Variants in PTPN14 observed in about 807,000 individuals in gnomAD.
The protein encoded by PTPN14 is tyrosine-protein phosphatase non-receptor type 14.
In PTPN14, 53 loss-of-function variants were observed where a neutral mutation model predicts 126.8. That is an observed-to-expected ratio of 0.42 (90% CI 0.34 to 0.53). PTPN14 has a LOEUF of 0.53. Among genes scored for constraint, PTPN14 ranks in the 20% least tolerant of loss-of-function variants. The pLI, the probability that PTPN14 is intolerant of heterozygous loss-of-function variation, is 0.08. For synonymous variants in PTPN14, 630 were observed against 599.3 expected (o/e 1.05, Z -0.75); for missense variants, 1,257 against 1,552.9 (o/e 0.81, Z 3.20).
intron 1 of PTPN14, among the ~76,000 whole-genome samples, chr1:214,491,103 T>C (rs1661238091): frequency 6.6e-6 from 1 of 152,000 alleles, no homozygotes; most frequent in Admixed American, 6.6e-5. Flanking sequence ...AATTGCTTAA[T>C]ATGGCATAAC....
rs563081501 is a variant in PTPN14 at position 214,532,491 on chromosome 1, G to C, written c.-155+18692C>G. 2.1e-4 allele frequency: 189 copies of C among 886,534 alleles called. 1 individual carries two copies. The South Asian group carries it at 2.1e-3, about 10-fold the overall frequency. 54.9% of individuals were successfully genotyped at this position (886,534 alleles called of 1,614,324 possible). On this transcript the variant is annotated intron_variant, in intron 1 of 18. Coordinates refer to ENST00000366956, the MANE Select transcript of PTPN14 (RefSeq NM_005401.5). ...GGACAGACTGAGGAGCCTGGAGATC[G>C]AGAACTGGAGGCTGGAGAGCAAAAT...
Position 214,364,652 on chromosome 1 carries a change from C to T in PTPN14, c.3295G>A (p.Val1099Ile), listed in dbSNP as rs1048433844. The T allele has an allele frequency of 6.2e-7, 1 of 1,613,648 alleles. No individual in the cohort carries two copies. Among genetic ancestry groups the T allele is most frequent in the Non-Finnish European group, 8.5e-7 (1 of 1,179,916 alleles). Residue 1099 changes from valine (V) to isoleucine (I), a missense_variant, in exon 18 of 19, where the codon GTC becomes ATC. Transcript: ENST00000366956. This position sits in a 1 kb window ranked among gnomAD's most constrained non-coding sequence, Gnocchi z 4.1. Reference protein sequence around the residue: ...FLSYLEEIQSVRRHTNSMLEG... With the variant: ...FLSYLEEIQSIRRHTNSMLEG... ...AGCATGCTGTTGGTATGGCGACGGA[C>T]CGACTGGATCTCCTCCAAGTAGGCT...
intron 3 of PTPN14, among the ~76,000 whole-genome samples, chr1:214,419,996 A>G (rs764103856): frequency 1.3e-5 from 2 of 152,196 alleles, no homozygotes; most frequent in Non-Finnish European, 2.9e-5. Context: ...TATGACTATT[A>G]AAGTCTAATA....
At chr1:214,544,430 A>G (rs1655916966) in intron 1 of PTPN14, among the ~76,000 whole-genome samples, 1 of 151,858 alleles carries the variant, frequency 6.6e-6, no homozygotes, top group African/African-American at 2.4e-5. Flanking sequence ...ACCCTGTCAA[A>G]GAAAGAAGGA....
intron 6 of PTPN14, 54 bp from the exon 7 acceptor site, chr1:214,401,826 A>T: frequency 1.4e-6 from 2 of 1,407,074 alleles, no homozygotes; most frequent in South Asian, 2.4e-5. Flanking sequence ...CCAGTGGAAG[A>T]TCCCACTCTC....
In PTPN14 at chr1:214,534,733, A is replaced by AATACATAAATAAATAC. The variant is rs1553276446; in HGVS notation, c.-155+16449_-155+16450insGTATTTATTTATGTAT. On this transcript the variant is annotated intron_variant, in intron 1 of 18. Coordinates refer to ENST00000366956, the MANE Select transcript of PTPN14 (RefSeq NM_005401.5). Reference sequence around the variant, plus strand: ...TTCTCAATAAATAAATAAATAAATAAATAAATAAAAGACGGAATTATTGAT... The same window carrying AATACATAAATAAATAC: ...TTCTCAATAAATAAATAAATAAATAAATACATAAATAAATACATAAATAAAAGACGGAATTATTGAT... 6.7e-3 allele frequency among the ~76,000 whole-genome samples: 1,020 copies of AATACATAAATAAATAC among 151,860 alleles called. 7 individuals are homozygous for AATACATAAATAAATAC. Among genetic ancestry groups the AATACATAAATAAATAC allele is most frequent in the Non-Finnish European group, 0.01 (698 of 67,956 alleles).
chr1:214,451,121 G>A (rs928251317), intron 3 of PTPN14, among the ~76,000 whole-genome samples: 1 of 151,866 alleles, frequency 6.6e-6, no homozygotes, highest in African/African-American at 2.4e-5. Flanking sequence ...TAGGAAAAGG[G>A]TGGACAAAAC....
intron 6 of PTPN14, among the ~76,000 whole-genome samples, chr1:214,402,167 G>A (rs917142225): frequency 1.3e-5 from 2 of 151,692 alleles, no homozygotes; most frequent in African/African-American, 4.8e-5. Context: ...TCAAATGGCC[G>A]TGGCTCATGC....
At chr1:214,468,362 C>T (rs1350349664) in intron 1 of PTPN14, among the ~76,000 whole-genome samples, 7 of 152,118 alleles carry the variant, frequency 4.6e-5, no homozygotes, top group Admixed American at 3.9e-4. Flanking sequence ...TTGAGACCAG[C>T]CTGGCCAACA....
chr1:214,458,009 A>G (rs1472173338), intron 2 of PTPN14, among the ~76,000 whole-genome samples: 1 of 73,458 alleles, frequency 1.4e-5, no homozygotes, highest in African/African-American at 3.4e-5. Flanking sequence ...ATCTATATCT[A>G]TATCTATATC....
At chr1:214,431,671 T>C (rs1345690229) in intron 3 of PTPN14, among the ~76,000 whole-genome samples, 2 of 152,220 alleles carry the variant, frequency 1.3e-5, no homozygotes, top group Non-Finnish European at 2.9e-5. Context: ...GGAGCTACAC[T>C]GTGTAGGCTT....
intron 16 of PTPN14, among the ~76,000 whole-genome samples, chr1:214,370,389 T>C (rs1240682088): frequency 7.2e-5 from 11 of 151,810 alleles, no homozygotes; most frequent in Non-Finnish European, 1.5e-4. Flanking sequence ...TCACAGTCCA[T>C]GGTGGAAAGT....
chr1:214,372,594 CAGAGAAACAGCA>C, intron 16 of PTPN14, 105 bp downstream of exon 16: 1 of 1,429,592 alleles, frequency 7.0e-7, no homozygotes, highest in Non-Finnish European at 9.7e-7. Context: ...AAAGCATGTG[CAGAGAAACAGCA>C]CTGCAGGAAG....
rs1658636124 is a variant in PTPN14 at position 214,387,044 on chromosome 1, T to G, written c.988-122A>C. On this transcript the variant is annotated intron_variant, in intron 11 of 18. Transcript: ENST00000366956. ...TAAGGGAGGCTCGTGGCAGCTGCTGTCCCTGCCACCCCTTTGACTCAACCT... is the reference window on the plus strand; with the variant it reads ...TAAGGGAGGCTCGTGGCAGCTGCTGGCCCTGCCACCCCTTTGACTCAACCT... 4.9e-6 allele frequency: 4 copies of G among 809,824 alleles called. No individual in the cohort carries two copies. In the South Asian group the frequency reaches 6.7e-5, roughly 13 times the overall value. The allele number at this position is 809,824 out of a possible 1,614,324, so 50.2% of individuals were successfully genotyped here.
rs368876497 is a variant in PTPN14 at position 214,484,995 on chromosome 1, AC to A, written c.-154-20039del. Among the ~76,000 whole-genome samples, 58 of 152,362 alleles carry A rather than the reference AC, an allele frequency of 3.8e-4. 1 individual carries two copies. The East Asian group carries it at 9.8e-3, about 26-fold the overall frequency. On this transcript the variant is annotated intron_variant, in intron 1 of 18. Coordinates refer to ENST00000366956, the MANE Select transcript of PTPN14 (RefSeq NM_005401.5). ...AGGTTAGGCATTTTCTCAAGGAAAAACAAAAATGTGTTCAACAAAGAAAATG... is the reference window on the plus strand; with the variant it reads ...AGGTTAGGCATTTTCTCAAGGAAAAAAAAAATGTGTTCAACAAAGAAAATG...
chr1:214,438,051 T>G (rs1298873880), intron 3 of PTPN14, among the ~76,000 whole-genome samples: 1 of 152,182 alleles, frequency 6.6e-6, no homozygotes, highest in Non-Finnish European at 1.5e-5. Context: ...CCCAATGTCT[T>G]ATTTTTATTT....
chr1:214,487,455 G>A (rs1038576841), intron 1 of PTPN14, among the ~76,000 whole-genome samples: 7 of 152,100 alleles, frequency 4.6e-5, no homozygotes, highest in South Asian at 2.1e-4. Flanking sequence ...GTGAAACCCC[G>A]TCTCTGCTAA....
intron 3 of PTPN14, among the ~76,000 whole-genome samples, chr1:214,419,373 G>A (rs576955752): frequency 6.6e-6 from 1 of 152,224 alleles, no homozygotes; most frequent in East Asian, 1.9e-4. Context: ...GTAGGGATGT[G>A]ACAATTTGGA....
Position 214,386,935 on chromosome 1 carries a change from A to G in PTPN14, c.988-13T>C, listed in dbSNP as rs1248693884. 4 of 1,582,094 alleles carry G rather than the reference A, an allele frequency of 2.5e-6. 1 individual carries two copies. In the Admixed American group the frequency reaches 6.7e-5, roughly 27 times the overall value. ...GCTGCTGCCTGGGCTGAAACAGAGA[A>G]CACAGAGGAGGTGGGGAGGCCTGGG... On this transcript the variant is annotated splice_polypyrimidine_tract_variant and intron_variant, in intron 11 of 18. Transcript: ENST00000366956.
Sources: allele counts gnomAD v4.1 joint callset (sites outside exome capture counted in the v4.1 genomes callset), GRCh38; gene constraint gnomAD v4.1.1; non-coding constraint Gnocchi (gnomAD v3.1); transcripts MANE v1.5; gene names NCBI Gene and HGNC (gene_info 2026-07-23, HGNC 2026-07-21).